The following SUSD6 variants were observed in gnomAD, a reference collection of about 807,000 sequenced individuals.
SUSD6 encodes the protein sushi domain-containing protein 6.
A neutral mutation model predicts 28.4 loss-of-function variants in SUSD6; 16 were observed. The ratio of observed to expected loss-of-function variants is 0.56; its 90% CI spans 0.38 to 0.86. The LOEUF (loss-of-function observed/expected upper bound fraction) is 0.86, where lower values mean the gene tolerates loss of function less well. Ranked by LOEUF, SUSD6 falls within the 40% of genes least tolerant of loss-of-function variation. SUSD6 has a pLI of 0.00. For missense variants in SUSD6, 341 were observed against 384.2 expected (o/e 0.89, Z 0.94); for synonymous variants, 147 against 159.6 (o/e 0.92, Z 0.59).
intron 1 of SUSD6, among the ~76,000 whole-genome samples, chr14:69,638,227 G>A (rs1045578911): frequency 1.3e-5 from 2 of 152,054 alleles, no homozygotes; most frequent in Non-Finnish European, 2.9e-5. Flanking sequence ...CCCGTTTTCT[G>A]TCCCTCCTCC....
rs905731008 is a variant in SUSD6 at position 69,651,904 on chromosome 14, G to A, written c.-80-6609G>A. On this transcript the variant is annotated intron_variant, in intron 1 of 5. Transcript: ENST00000342745. ...CCTCTGGGGAACTTTGGACTTCAAA[G>A]TGTTAGGACTTGTTATCATTACAAC... Among the ~76,000 whole-genome samples the A allele has an allele frequency of 2.6e-5, 4 of 152,330 alleles. No homozygotes were observed. The South Asian group carries it at 8.3e-4, about 32-fold the overall frequency.
At chr14:69,710,874 C>G in intron 5 of SUSD6, 80 bp from the exon 6 acceptor site, 3 of 1,346,706 alleles carry the variant, frequency 2.2e-6, no homozygotes, top group Non-Finnish European at 3.2e-6. Context: ...TAGGATAGCC[C>G]CTAAGTTGCA....
intron 2 of SUSD6, among the ~76,000 whole-genome samples, chr14:69,669,279 G>A (rs1885794468): frequency 6.6e-6 from 1 of 151,956 alleles, no homozygotes; most frequent in Non-Finnish European, 1.5e-5. Context: ...GGCCAGGATG[G>A]TCTCGATCTC....
chr14:69,612,842 A>G (rs1316738788), intron 1 of SUSD6, among the ~76,000 whole-genome samples: 2 of 152,122 alleles, frequency 1.3e-5, no homozygotes, highest in Non-Finnish European at 2.9e-5. Flanking sequence ...ATCTACAGAG[A>G]TGGGAAGTAT....
chr14:69,652,961 A>G lies in SUSD6; in HGVS notation c.-80-5552A>G, dbSNP rs1885525671. On this transcript the variant is annotated intron_variant, in intron 1 of 5. Transcript: ENST00000342745. Reference sequence around the variant, plus strand: ...CATAAGCCCCAGGTGTTTCTAGTTTACAAAGCATTTCCTCATATTTTGTTC... The same window carrying G: ...CATAAGCCCCAGGTGTTTCTAGTTTGCAAAGCATTTCCTCATATTTTGTTC... Among the ~76,000 whole-genome samples the G allele has an allele frequency of 1.3e-5, 2 of 152,218 alleles. 1 individual carries two copies. Among genetic ancestry groups the G allele is most frequent in the African/African-American group, 4.8e-5 (2 of 41,458 alleles).
Position 69,713,196 on chromosome 14 carries a change from A to G in SUSD6, c.*2217A>G, listed in dbSNP as rs1363405247. Reference sequence around the variant, plus strand: ...AGATTGCACTTTTTGTTTGGGGTTTATTCAGCTGCATAGATGACCAGCTTG... The same window carrying G: ...AGATTGCACTTTTTGTTTGGGGTTTGTTCAGCTGCATAGATGACCAGCTTG... On this transcript the variant is annotated 3_prime_UTR_variant, in exon 6 of 6. Coordinates refer to ENST00000342745, the MANE Select transcript of SUSD6 (RefSeq NM_014734.4). 1 of 152,196 alleles carries G rather than the reference A, an allele frequency of 6.6e-6. No homozygotes were observed. Among genetic ancestry groups the G allele is most frequent in the Non-Finnish European group, 1.5e-5 (1 of 68,032 alleles). The allele number at this position is 152,196 out of a possible 1,614,324, so 9.4% of individuals were successfully genotyped here. A position where few individuals can be genotyped will look rare whatever the true frequency, so the allele number is the denominator to read the frequency against.
intron 3 of SUSD6, 87 bp downstream of exon 3, chr14:69,703,679 C>CCT: frequency 7.9e-7 from 1 of 1,270,424 alleles, no homozygotes; most frequent in Non-Finnish European, 1.1e-6. Context: ...CTCCAGAGCA[C>CCT]TCTTTGCTGT....
Position 69,708,969 on chromosome 14 carries a change from A to G in SUSD6, c.751A>G (p.Met251Val), listed in dbSNP as rs769353884. 6.2e-7 allele frequency: 1 copy of G among 1,614,144 alleles called. No individual in the cohort carries two copies. The highest frequency in any genetic ancestry group is 8.5e-7 in the Non-Finnish European group (1 of 1,180,036). Reference protein sequence around the residue: ...AWGSRASETVMVHQATTSSWV... With the variant: ...AWGSRASETVVVHQATTSSWV... ...GGGCTCTCGGGCCTCAGAGACTGTG[A>G]TGGTGCATCAGGCAACCACCTCTTC... Residue 251 changes from methionine to valine, a missense_variant, in exon 5 of 6, where the codon ATG becomes GTG. Transcript: ENST00000342745.
intron 2 of SUSD6, among the ~76,000 whole-genome samples, chr14:69,669,346 G>A (rs1885795558): frequency 1.3e-5 from 2 of 152,156 alleles, no homozygotes; most frequent in African/African-American, 4.8e-5. Flanking sequence ...ACAGGCCTGA[G>A]CCAGTGCTCC....
intron 1 of SUSD6, among the ~76,000 whole-genome samples, chr14:69,649,385 C>T (rs1037550111): frequency 4.6e-5 from 7 of 152,072 alleles, no homozygotes; most frequent in Admixed American, 4.6e-4. Context: ...TGATGGGAAC[C>T]AAGCAGAGAG....
At chr14:69,699,267 A>T (rs1594722307) in intron 2 of SUSD6, among the ~76,000 whole-genome samples, 2 of 151,714 alleles carry the variant, frequency 1.3e-5, no homozygotes, top group African/African-American at 2.4e-5. Context: ...GCAGTGGTGC[A>T]ATCTCAGCTC....
Position 69,681,660 on chromosome 14 carries a change from A to T in SUSD6, c.122-21735A>T, listed in dbSNP as rs539703097. ...TTGGCAACTTATTTATAGCCTTTTC[A>T]TTACTTCTTGAGAATGGTCGCTATA... On this transcript the variant is annotated intron_variant, in intron 2 of 5. Transcript: ENST00000342745. Among the ~76,000 whole-genome samples the T allele has an allele frequency of 5.6e-4, 85 of 152,336 alleles. No individual in the cohort carries two copies. In the Middle Eastern group the frequency reaches 0.01, roughly 18 times the overall value.
At chr14:69,697,061 A>C (rs931940172) in intron 2 of SUSD6, among the ~76,000 whole-genome samples, 2 of 152,176 alleles carry the variant, frequency 1.3e-5, no homozygotes, top group African/African-American at 4.8e-5. Flanking sequence ...AAGGGGTGGG[A>C]ATTCCTGGAA....
chr14:69,687,284 T>G (rs763554891), intron 2 of SUSD6, among the ~76,000 whole-genome samples: 1 of 152,152 alleles, frequency 6.6e-6, no homozygotes, highest in East Asian at 1.9e-4. Context: ...CTAATTTTTG[T>G]ATTTCTAGTA....
At chr14:69,698,605 G>C (rs1302663828) in intron 2 of SUSD6, among the ~76,000 whole-genome samples, 4 of 152,198 alleles carry the variant, frequency 2.6e-5, no homozygotes. Context: ...AGGTTGGCCT[G>C]CAAAACCAAC....
intron 2 of SUSD6, among the ~76,000 whole-genome samples, chr14:69,691,463 T>C (rs1162151562): frequency 6.6e-6 from 1 of 152,250 alleles, no homozygotes; most frequent in Non-Finnish European, 1.5e-5. Context: ...GGATTTCTGT[T>C]ACCATCCATA....
chr14:69,689,213 C>G lies in SUSD6; in HGVS notation c.122-14182C>G, dbSNP rs56762756. ...TGGATTAATCCTTCTTCAGAACTTT[C>G]TGTAGCCCATATTGATTTCTAACAT... On this transcript the variant is annotated intron_variant, in intron 2 of 5. Transcript: ENST00000342745. Among the ~76,000 whole-genome samples the G allele has an allele frequency of 3.4e-3, 511 of 152,278 alleles. 2 individuals carry two copies. Among genetic ancestry groups the G allele is most frequent in the African/African-American group, 0.012 (480 of 41,552 alleles).
intron 1 of SUSD6, among the ~76,000 whole-genome samples, chr14:69,651,443 T>C (rs1026410670): frequency 1.3e-5 from 2 of 152,112 alleles, no homozygotes; most frequent in Admixed American, 6.5e-5. Flanking sequence ...CTGAGGGTAA[T>C]GTTTGTGATT....
At chr14:69,633,833 T>C (rs984182195) in intron 1 of SUSD6, among the ~76,000 whole-genome samples, 2 of 152,120 alleles carry the variant, frequency 1.3e-5, no homozygotes, top group Admixed American at 6.6e-5. Context: ...ATATAGAAGA[T>C]TGTCAGGAAA....
Sources: allele counts gnomAD v4.1 joint callset (sites outside exome capture counted in the v4.1 genomes callset), GRCh38; gene constraint gnomAD v4.1.1; transcripts MANE v1.5; gene names NCBI Gene and HGNC (gene_info 2026-07-23, HGNC 2026-07-21).